Variants in ZDHHC14 observed in about 807,000 individuals in gnomAD.
The protein encoded by ZDHHC14 is zDHHC palmitoyltransferase 14, also known as palmitoyltransferase ZDHHC14.
ZDHHC14 carries 16 observed loss-of-function variants against 47.7 expected under a neutral mutation model. That is an observed-to-expected ratio of 0.34 (90% CI 0.23 to 0.51). The LOEUF is 0.51. ZDHHC14 is among the 20% of genes least tolerant of loss of function. The pLI is 0.97. For synonymous variants in ZDHHC14, 293 were observed against 278.9 expected, an observed-to-expected ratio of 1.05 and a Z score of -0.50; for missense variants, 515 against 662.5, an observed-to-expected ratio of 0.78 and a Z score of 2.44.
intron 1 of ZDHHC14, among the ~76,000 whole-genome samples, chr6:157,522,102 G>A (rs1320367126): frequency 6.6e-6 from 1 of 152,064 alleles, no homozygotes; most frequent in Non-Finnish European, 1.5e-5. Flanking sequence ...TTCTCACTTA[G>A]GACTGAGAAG....
intron 1 of ZDHHC14, among the ~76,000 whole-genome samples, chr6:157,495,829 C>T (rs879786033): frequency 9.9e-5 from 15 of 151,510 alleles, no homozygotes; most frequent in African/African-American, 2.9e-4. Context: ...CTAACCCCAC[C>T]GGGTACCTGG....
At position 157,563,448 on chromosome 6, in the gene ZDHHC14, C is replaced by T. The variant is rs775344623; in HGVS notation, c.406+20703C>T. Among the ~76,000 whole-genome samples the T allele has an allele frequency of 1.4e-4, 21 of 152,284 alleles. 1 individual carries two copies. The East Asian group carries it at 2.7e-3, about 20-fold the overall frequency. ...GGCTGTTTTGTTTCTTCCCCCTTCCCGGAGTGGAATTTCTCTGTTGAAAGT... is the reference window on the plus strand; with the variant it reads ...GGCTGTTTTGTTTCTTCCCCCTTCCTGGAGTGGAATTTCTCTGTTGAAAGT... On this transcript the variant is annotated intron_variant, in intron 2 of 8. Transcript: ENST00000359775.
chr6:157,507,311 T>C lies in ZDHHC14; in HGVS notation c.246-35274T>C, dbSNP rs1017744191. 2.0e-5 allele frequency among the ~76,000 whole-genome samples: 3 copies of C among 148,266 alleles called. No individual in the cohort carries two copies. In the East Asian group the frequency reaches 5.9e-4, roughly 29 times the overall value. On this transcript the variant is annotated intron_variant, in intron 1 of 8. Coordinates refer to ENST00000359775, the MANE Select transcript of ZDHHC14 (RefSeq NM_024630.3). ...ATTTTTTTTTTTTTTTGAGACAGAG[T>C]CTCACTCTGTCACCCAGGCTGGAGT... is the stretch of plus-strand genomic sequence containing the variant.
intron 1 of ZDHHC14, among the ~76,000 whole-genome samples, chr6:157,459,091 A>G (rs971799643): frequency 1.3e-5 from 2 of 152,034 alleles, no homozygotes; most frequent in East Asian, 1.9e-4. Context: ...GTTTCTATAC[A>G]TATATCCATG....
intron 3 of ZDHHC14, among the ~76,000 whole-genome samples, chr6:157,626,964 C>T (rs1785456778): frequency 6.6e-6 from 1 of 151,632 alleles, no homozygotes. Flanking sequence ...AAATTATTTT[C>T]CCTGAGTGTC....
intron 5 of ZDHHC14, among the ~76,000 whole-genome samples, chr6:157,640,873 CCCTT>C (rs1437316560): frequency 6.6e-6 from 1 of 152,250 alleles, no homozygotes; most frequent in Non-Finnish European, 1.5e-5. Flanking sequence ...TTTCTCTTGA[CCCTT>C]CCTCCGTTCT....
chr6:157,546,392 C>T (rs1190519255), intron 2 of ZDHHC14, among the ~76,000 whole-genome samples: 1 of 151,000 alleles, frequency 6.6e-6, no homozygotes, highest in Admixed American at 6.6e-5. Flanking sequence ...CCCATAATGG[C>T]CCCTTGGAAT....
intron 2 of ZDHHC14, among the ~76,000 whole-genome samples, chr6:157,569,561 G>C (rs1171787270): frequency 6.6e-6 from 1 of 151,994 alleles, no homozygotes; most frequent in African/African-American, 2.4e-5. Context: ...TATTCTTCCA[G>C]ATGAAGTTTA....
intron 1 of ZDHHC14, among the ~76,000 whole-genome samples, chr6:157,518,499 C>G (rs1780783491): frequency 6.6e-6 from 1 of 152,098 alleles, no homozygotes; most frequent in Admixed American, 6.6e-5. Flanking sequence ...ATATGAGGAG[C>G]AAGTTAAAAT....
chr6:157,579,895 C>T (rs545265968), intron 2 of ZDHHC14, among the ~76,000 whole-genome samples: 2 of 152,306 alleles, frequency 1.3e-5, no homozygotes, highest in African/African-American at 4.8e-5. Context: ...TTCCTCCTGA[C>T]TGCTCTGGAC....
chr6:157,483,163 T>C (rs1288107408), intron 1 of ZDHHC14, among the ~76,000 whole-genome samples: 1 of 152,218 alleles, frequency 6.6e-6, no homozygotes, highest in Non-Finnish European at 1.5e-5. Context: ...CTGGGCAGCA[T>C]TTTGATGTGA....
chr6:157,479,825 T>C (rs1246592220), intron 1 of ZDHHC14, among the ~76,000 whole-genome samples: 1 of 152,256 alleles, frequency 6.6e-6, no homozygotes, highest in African/African-American at 2.4e-5. Flanking sequence ...CAGAGAGAGC[T>C]GGAAGGCTGG....
chr6:157,397,669 G>A (rs1302775426), intron 1 of ZDHHC14, among the ~76,000 whole-genome samples: 5 of 152,186 alleles, frequency 3.3e-5, no homozygotes, highest in East Asian at 3.9e-4. Flanking sequence ...ATAAGGTAAC[G>A]TGTTCACAGG....
At chr6:157,404,626 G>A (rs1313506584) in intron 1 of ZDHHC14, among the ~76,000 whole-genome samples, 3 of 152,168 alleles carry the variant, frequency 2.0e-5, no homozygotes, top group Non-Finnish European at 4.4e-5. Flanking sequence ...AAAAATAGCT[G>A]TTGACCGTTT....
chr6:157,595,557 T>G (rs1430936562), intron 3 of ZDHHC14, among the ~76,000 whole-genome samples: 2 of 152,180 alleles, frequency 1.3e-5, no homozygotes, highest in Non-Finnish European at 2.9e-5. Context: ...ATTTTAAAAT[T>G]CCTTTTGGAT....
chr6:157,483,517 A>G (rs1415055304), intron 1 of ZDHHC14, among the ~76,000 whole-genome samples: 3 of 152,200 alleles, frequency 2.0e-5, no homozygotes, highest in Non-Finnish European at 4.4e-5. Context: ...CAGTGGGAAA[A>G]TGGCAAAGTG....
At chr6:157,654,282 C>T (rs919177141) in intron 8 of ZDHHC14, among the ~76,000 whole-genome samples, 1 of 151,752 alleles carries the variant, frequency 6.6e-6, no homozygotes, top group Non-Finnish European at 1.5e-5. Flanking sequence ...GCAGGAGTCG[C>T]TCATGGACAC....
intron 3 of ZDHHC14, among the ~76,000 whole-genome samples, chr6:157,619,812 T>TA (rs747480322): frequency 9.2e-5 from 14 of 152,086 alleles, no homozygotes; most frequent in Non-Finnish European, 1.5e-4. Context: ...CAGATACTAA[T>TA]AAAACAGAGT....
chr6:157,612,481 T>A (rs1784789565), intron 3 of ZDHHC14, among the ~76,000 whole-genome samples: 1 of 152,220 alleles, frequency 6.6e-6, no homozygotes. Flanking sequence ...CTCTGTTAAT[T>A]CCTGCTCATC....
Sources: gnomAD v4.1 joint callset for allele counts (sites outside exome capture counted in the v4.1 genomes callset) on GRCh38, gnomAD v4.1.1 for gene constraint, MANE v1.5 for transcripts, NCBI Gene and HGNC (gene_info 2026-07-23, HGNC 2026-07-21) for gene names.